GSN: variants seen among roughly 807,000 people sequenced by gnomAD.
GSN encodes actin-depolymerizing factor.
A neutral mutation model predicts 85.7 loss-of-function variants in GSN; 56 were observed. The observed-to-expected ratio is 0.65, with a 90% CI of 0.53 to 0.82. The LOEUF is 0.82. GSN is among the 40% of genes least tolerant of loss of function. The probability of loss-of-function intolerance (pLI) is 0.00; values close to 1 mark genes in which losing one functional copy is unlikely to be tolerated. For missense variants in GSN, 857 were observed against 979.8 expected (o/e 0.87, Z 1.67); for synonymous variants, 373 against 399.1 (o/e 0.93, Z 0.78).
chr9:121,216,157 A>G (rs2054060285), intron 4 of GSN, among the ~76,000 whole-genome samples: 1 of 152,292 alleles, frequency 6.6e-6, no homozygotes. Context: ...CATGTTGGCC[A>G]GACTGGTCTC....
rs1413190706 is a variant in GSN at position 121,303,075 on chromosome 9, G to A, written c.351+10G>A. 6.2e-6 allele frequency: 10 copies of A among 1,612,038 alleles called. No homozygotes were observed. The African/African-American group carries it at 8.0e-5, about 13-fold the overall frequency. On this transcript the variant is annotated intron_variant, in intron 4 of 17. Transcript: ENST00000432226. ...TGGCCTGAAGTACAAGGTGGGTTGGGCCCCACCTTGCTTGAGCGGTAGGGA... is the reference window on the plus strand; with the variant it reads ...TGGCCTGAAGTACAAGGTGGGTTGGACCCCACCTTGCTTGAGCGGTAGGGA...
At chr9:121,319,310 G>C (rs918052346) in intron 10 of GSN, among the ~76,000 whole-genome samples, 1 of 152,110 alleles carries the variant, frequency 6.6e-6, no homozygotes, top group Non-Finnish European at 1.5e-5. Context: ...GGAGGGACTC[G>C]CTATGTTCGG....
chr9:121,269,251 A>G (rs1426545450), intron 1 of GSN, among the ~76,000 whole-genome samples: 1 of 152,134 alleles, frequency 6.6e-6, no homozygotes, highest in Non-Finnish European at 1.5e-5. Context: ...ATTTCTGACC[A>G]GGGCACCAGG....
chr9:121,312,537 G>T, intron 6 of GSN, 49 bp downstream of exon 6: 1 of 1,472,746 alleles, frequency 6.8e-7, no homozygotes, highest in East Asian at 2.5e-5. Flanking sequence ...CGCTGCTCAT[G>T]ACTTTCTTCT....
intron 6 of GSN, among the ~76,000 whole-genome samples, chr9:121,262,283 T>G (rs534469890): frequency 6.6e-6 from 1 of 152,342 alleles, no homozygotes; most frequent in East Asian, 1.9e-4. Flanking sequence ...CAGACCTGGA[T>G]TCAAATCCCA....
chr9:121,230,572 C>CTT (rs2132151360), intron 4 of GSN, among the ~76,000 whole-genome samples: 1 of 152,248 alleles, frequency 6.6e-6, no homozygotes, highest in Non-Finnish European at 1.5e-5. Flanking sequence ...CCAAGGTCTC[C>CTT]TTTAAGACTC....
chr9:121,281,589 C>T (rs10985200), intron 2 of GSN, 27 bp downstream of exon 2: 222,045 of 470,542 alleles, frequency 0.47, 55,052 homozygotes, highest in East Asian at 0.62. Context: ...AGACACCTGT[C>T]GTCCTCTTAA....
At chr9:121,254,733 G>A (rs1209113265) in intron 6 of GSN, among the ~76,000 whole-genome samples, 1 of 151,996 alleles carries the variant, frequency 6.6e-6, no homozygotes, top group Non-Finnish European at 1.5e-5. Flanking sequence ...TATTTCTAAT[G>A]TTATTATTAT....
At chr9:121,267,476 G>A (rs573542570), upstream of GSN, among the ~76,000 whole-genome samples, 52 of 152,230 alleles carry the variant, frequency 3.4e-4, no homozygotes, top group South Asian at 4.1e-4. Flanking sequence ...CCCATGAAGC[G>A]GCAATTCAGG....
intron 4 of GSN, among the ~76,000 whole-genome samples, chr9:121,307,052 G>A (rs1409294175): frequency 2.6e-5 from 4 of 152,106 alleles, no homozygotes; most frequent in Non-Finnish European, 4.4e-5. Flanking sequence ...GTGGTGGCGG[G>A]TGCCCGTAAT....
exon 5 of GSN, chr9:121,231,229 C>G (rs905324387): frequency 1.3e-5 from 2 of 152,174 alleles, no homozygotes; most frequent in Admixed American, 1.3e-4. Context: ...GCTGCAGAGC[C>G]TTGTGAAGGT....
At chr9:121,232,022 A>G (rs555153005) in intron 5 of GSN, among the ~76,000 whole-genome samples, 6 of 152,292 alleles carry the variant, frequency 3.9e-5, no homozygotes, top group Admixed American at 3.3e-4. Flanking sequence ...AACTGAGATT[A>G]TGCCACTGCA....
chr9:121,308,758 C>T (rs1367859653), intron 4 of GSN: 2 of 152,256 alleles, frequency 1.3e-5, no homozygotes, highest in Admixed American at 6.5e-5. Context: ...GGGCAAGTCC[C>T]GTCACCTGTG....
chr9:121,306,220 C>A lies in GSN; in HGVS notation c.351+3155C>A, dbSNP rs2060402349. Among the ~76,000 whole-genome samples the A allele has an allele frequency of 2.0e-5, 3 of 152,324 alleles. No individual in the cohort carries two copies. The South Asian group carries it at 6.2e-4, about 32-fold the overall frequency. On this transcript the variant is annotated intron_variant, in intron 4 of 17. Coordinates refer to ENST00000432226, the MANE Select transcript of GSN (RefSeq NM_198252.3). ...TAGGAGCCCTTGGACCTGAGGAACA[C>A]AATTGGGAACCCATAGAATCACTGG...
rs577093505 is a variant in GSN at position 121,303,130 on chromosome 9, G to T, written c.351+65G>T. The T allele has an allele frequency of 7.9e-6, 12 of 1,520,542 alleles. No individual in the cohort carries two copies. The African/African-American group carries it at 1.2e-4, about 16-fold the overall frequency. 94.2% of individuals were successfully genotyped at this position (1,520,542 alleles called of 1,614,324 possible). A position where few individuals can be genotyped will look rare whatever the true frequency, so the allele number is the denominator to read the frequency against. ...TGCACCAGTAACAGGGCTCACTCAG[G>T]CCCATCTATCTTTTGGCCTTGTGAT... On this transcript the variant is annotated intron_variant, in intron 4 of 17. Coordinates refer to ENST00000432226, the MANE Select transcript of GSN (RefSeq NM_198252.3).
chr9:121,202,535 T>C, the GSN span, among the ~76,000 whole-genome samples: 1 of 152,128 alleles, frequency 6.6e-6, no homozygotes, highest in Non-Finnish European at 1.5e-5. Context: ...ATGTGATATT[T>C]TTCACAATTT....
At chr9:121,289,538 G>A (rs2132841207) in intron 2 of GSN, among the ~76,000 whole-genome samples, 1 of 152,360 alleles carries the variant, frequency 6.6e-6, no homozygotes, top group African/African-American at 2.4e-5. Flanking sequence ...AACAGCTGCT[G>A]TAGGAGGGGT....
chr9:121,222,057 T>C (rs1300347138), intron 4 of GSN: 1 of 152,100 alleles, frequency 6.6e-6, no homozygotes, highest in African/African-American at 2.4e-5. Flanking sequence ...AGCAGGAAAG[T>C]CTCCTGTTCT....
intron 6 of GSN, among the ~76,000 whole-genome samples, chr9:121,256,074 A>G (rs2054951980): frequency 6.6e-6 from 1 of 151,548 alleles, no homozygotes. Context: ...GGGGAGATCT[A>G]CTCTCTTCGG....
Sources: gnomAD v4.1 joint callset for allele counts (sites outside exome capture counted in the v4.1 genomes callset) on GRCh38, gnomAD v4.1.1 for gene constraint, MANE v1.5 for transcripts, NCBI Gene and HGNC (gene_info 2026-07-23, HGNC 2026-07-21) for gene names.